RHOQ: variants seen among roughly 807,000 people sequenced by gnomAD.
RHOQ encodes the protein ras homolog family member Q, also known as rho-related GTP-binding protein RhoQ.
A neutral mutation model predicts 25.8 loss-of-function variants in RHOQ; 7 were observed. The ratio of observed to expected loss-of-function variants is 0.27; its 90% confidence interval spans 0.15 to 0.51. The LOEUF (loss-of-function observed/expected upper bound fraction) is 0.51. Among genes scored for constraint, RHOQ ranks in the 20% least tolerant of loss-of-function variants. RHOQ has a pLI of 0.97. For missense variants in RHOQ, 165 were observed against 260.6 expected (o/e 0.63, Z 2.53); for synonymous variants, 97 against 98.6 (o/e 0.98, Z 0.10).
intron 2 of RHOQ, 41 bp downstream of exon 2, chr2:46,543,853 C>T (rs769546126): frequency 2.5e-6 from 4 of 1,584,812 alleles, no homozygotes; most frequent in Admixed American, 3.4e-5. Flanking sequence ...CCTCCTGTTC[C>T]CCAGTTCTTT....
chr2:46,564,233 A>G (rs1445334903), intron 2 of RHOQ, among the ~76,000 whole-genome samples: 1 of 152,122 alleles, frequency 6.6e-6, no homozygotes, highest in Non-Finnish European at 1.5e-5. Context: ...TAAGCCCAGG[A>G]GTTTGACTCT....
At chr2:46,554,634 C>T (rs1668356533) in intron 2 of RHOQ, among the ~76,000 whole-genome samples, 1 of 152,136 alleles carries the variant, frequency 6.6e-6, no homozygotes, top group Non-Finnish European at 1.5e-5. Context: ...AGGCGGGTCA[C>T]AAGGAGTGGC....
rs1037106636 is a variant in RHOQ, at chr2:46,583,141, T to G, written c.*2058T>G. The G allele has an allele frequency of 2.6e-5, 4 of 151,910 alleles. No individual in the cohort carries two copies. The highest frequency in any genetic ancestry group is 9.7e-5 in the African/African-American group (4 of 41,362). 9.4% of individuals were successfully genotyped at this position (151,910 alleles called of 1,614,324 possible). On this transcript the variant is annotated 3_prime_UTR_variant, in exon 5 of 5. Coordinates refer to ENST00000238738, the MANE Select transcript of RHOQ (RefSeq NM_012249.4). ...ACTTGCCTTTGGGGATTTATGAGGATTTTTTTTGGTGGGGGGAGGGGGCTC... is the reference window on the plus strand; with the variant it reads ...ACTTGCCTTTGGGGATTTATGAGGAGTTTTTTTGGTGGGGGGAGGGGGCTC...
rs894938658 is a variant in RHOQ at position 46,548,150 on chromosome 2, G to A, written c.201+4338G>A. On this transcript the variant is annotated intron_variant, in intron 2 of 4. Transcript: ENST00000238738. This position sits in a 1 kb window ranked among gnomAD's most constrained non-coding sequence, Gnocchi z 5.2. ...CTGTTAACTTAAACACACAAGTTCA[G>A]GGAAGCGTCCATGACAGCTATAAAT... Among the ~76,000 whole-genome samples, 3 of 152,218 alleles carry A rather than the reference G, an allele frequency of 2.0e-5. No individual in the cohort carries two copies. Among genetic ancestry groups the A allele is most frequent in the Non-Finnish European group, 2.9e-5 (2 of 68,034 alleles).
In RHOQ at chr2:46,581,027, C is replaced by T; in HGVS notation, c.562C>T (p.His188Tyr). 1 of 1,588,462 alleles carries T rather than the reference C, an allele frequency of 6.3e-7. No homozygotes were observed. Among genetic ancestry groups the T allele is most frequent in the Non-Finnish European group, 8.5e-7 (1 of 1,170,464 alleles). The change falls in exon 5 of 5, where the codon CAC becomes TAC. Residue 188 changes from histidine to tyrosine, a missense_variant. By Grantham distance (83) the His-to-Tyr change is moderately conservative. Transcript: ENST00000238738. ...CATAGCCATTTTAACTCCAAAGAAA[C>T]ACACTGTAAAAAAAAGAATAGGATC... ...AIIAILTPKK[H>Y]TVKKRIGSRC...
intron 2 of RHOQ, among the ~76,000 whole-genome samples, chr2:46,547,439 CAA>C (rs925373143): frequency 2.0e-5 from 3 of 152,218 alleles, no homozygotes; most frequent in African/African-American, 4.8e-5. Flanking sequence ...TATTAGCAGA[CAA>C]AGAGAGAGAA....
intron 2 of RHOQ, among the ~76,000 whole-genome samples, chr2:46,575,755 A>G (rs778865320): frequency 7.2e-5 from 11 of 152,318 alleles, no homozygotes; most frequent in Non-Finnish European, 1.0e-4. Context: ...ATAAATTATA[A>G]TACTTAGGCA....
intron 2 of RHOQ, among the ~76,000 whole-genome samples, chr2:46,574,944 T>C (rs569209749): frequency 6.6e-6 from 1 of 152,274 alleles, no homozygotes; most frequent in African/African-American, 2.4e-5. Context: ...TGGCCCAGGC[T>C]AAAAATAAAG....
At chr2:46,557,042 A>G (rs2103996665) in intron 2 of RHOQ, among the ~76,000 whole-genome samples, 1 of 152,338 alleles carries the variant, frequency 6.6e-6, no homozygotes, top group Admixed American at 6.5e-5. Flanking sequence ...AGCCAATGAA[A>G]ACACACTCTG....
At chr2:46,568,505 C>T (rs1008136782) in intron 2 of RHOQ, 4 of 152,142 alleles carry the variant, frequency 2.6e-5, no homozygotes, top group Non-Finnish European at 5.9e-5. Flanking sequence ...GTCATCATGG[C>T]AGTTTTACTT....
Position 46,543,042 on chromosome 2 carries a change from G to C in RHOQ, c.-5G>C. The C allele has an allele frequency of 6.3e-7, 1 of 1,584,240 alleles. No individual in the cohort carries two copies. The highest frequency in any genetic ancestry group is 8.6e-7 in the Non-Finnish European group (1 of 1,168,040). ...GACCATGCCCGGAGGCCGGCCGGCA[G>C]CAGCATGGCTCACGGGCCCGGCGCG... is the stretch of plus-strand genomic sequence containing the variant. On this transcript the variant is annotated 5_prime_UTR_variant, in exon 1 of 5. Coordinates refer to ENST00000238738, the MANE Select transcript of RHOQ (RefSeq NM_012249.4).
intron 2 of RHOQ, among the ~76,000 whole-genome samples, chr2:46,570,808 T>G (rs1012610050): frequency 6.6e-6 from 1 of 152,198 alleles, no homozygotes; most frequent in African/African-American, 2.4e-5. Flanking sequence ...AGAAGCTGCT[T>G]TAGATTTGGG....
intron 4 of RHOQ, chr2:46,580,150 C>T (rs1487944610): frequency 1.3e-5 from 2 of 152,536 alleles, no homozygotes; most frequent in African/African-American, 4.8e-5. Context: ...TCCAGTGGGT[C>T]CCCAGCTCAG....
intron 2 of RHOQ, among the ~76,000 whole-genome samples, chr2:46,560,906 T>G (rs940326042): frequency 6.6e-6 from 1 of 152,088 alleles, no homozygotes; most frequent in African/African-American, 2.4e-5. Context: ...GTATTACAGA[T>G]GACTAATAAC....
At chr2:46,577,468 C>T (rs1239847951) in intron 4 of RHOQ, among the ~76,000 whole-genome samples, 6 of 141,900 alleles carry the variant, frequency 4.2e-5, no homozygotes, top group Non-Finnish European at 7.5e-5. Context: ...GACGGGATCT[C>T]AGCTCACTGC....
chr2:46,571,987 G>T (rs933141349), intron 2 of RHOQ, among the ~76,000 whole-genome samples: 2 of 152,030 alleles, frequency 1.3e-5, no homozygotes, highest in Non-Finnish European at 2.9e-5. Context: ...CACAGAAAGG[G>T]GTCTCCAGCT....
At chr2:46,559,337 G>A (rs1668499730) in intron 2 of RHOQ, among the ~76,000 whole-genome samples, 4 of 152,136 alleles carry the variant, frequency 2.6e-5, no homozygotes, top group African/African-American at 2.4e-5. Flanking sequence ...TTTCTCTGAG[G>A]ATATTAATGA....
At chr2:46,580,889 A>G (rs937814790) in intron 4 of RHOQ, 39 bp from the exon 5 acceptor site, 3 of 1,408,278 alleles carry the variant, frequency 2.1e-6, no homozygotes, top group East Asian at 2.6e-5. Flanking sequence ...TTGTATAAAC[A>G]TGATCTTATA....
intron 1 of RHOQ, 73 bp downstream of exon 1, chr2:46,543,261 C>A: frequency 6.4e-7 from 1 of 1,554,210 alleles, no homozygotes; most frequent in Non-Finnish European, 8.8e-7. Flanking sequence ...GGCGGAGCCC[C>A]CTCGCCGCCT....
Sources: gnomAD v4.1 joint callset for allele counts (sites outside exome capture counted in the v4.1 genomes callset) on GRCh38, gnomAD v4.1.1 for gene constraint, Gnocchi (gnomAD v3.1) non-coding constraint, MANE v1.5 for transcripts, NCBI Gene and HGNC (gene_info 2026-07-23, HGNC 2026-07-21) for gene names.